The following COL19A1 variants were observed in gnomAD, a reference collection of about 807,000 sequenced individuals.
COL19A1 encodes the protein collagen alpha-1(XIX) chain.
In COL19A1, 159 loss-of-function variants were observed where a neutral mutation model predicts 190.2. That is an observed-to-expected ratio of 0.84 (90% confidence interval 0.73 to 0.95). COL19A1 has a LOEUF of 0.95. Among genes scored for constraint, COL19A1 ranks in the 40% least tolerant of loss-of-function variants. COL19A1 has a pLI of 0.00. For synonymous variants in COL19A1, 509 were observed against 458.9 expected (o/e 1.11, Z -1.39); for missense variants, 1,418 against 1,431.9 (o/e 0.99, Z 0.16).
chr6:70,143,449 C>A (rs1786393441), intron 23 of COL19A1, among the ~76,000 whole-genome samples: 1 of 152,064 alleles, frequency 6.6e-6, no homozygotes, highest in Admixed American at 6.6e-5. Context: ...CACACTTGAG[C>A]AAAATAAGAA....
intron 2 of COL19A1, among the ~76,000 whole-genome samples, chr6:69,885,403 T>C (rs1768851439): frequency 6.6e-6 from 1 of 152,238 alleles, no homozygotes. Context: ...TAGCATATTA[T>C]GGGATGGATA....
chr6:70,128,979 C>G (rs141802799), intron 17 of COL19A1, among the ~76,000 whole-genome samples: 1 of 152,208 alleles, frequency 6.6e-6, no homozygotes, highest in East Asian at 1.9e-4. Context: ...GAAAGACGTT[C>G]CCAGATTGTA....
chr6:69,891,071 G>A (rs12211543), intron 2 of COL19A1: 14 of 315,516 alleles, frequency 4.4e-5, no homozygotes, highest in Non-Finnish European at 8.6e-5. Context: ...TGGCCTGAAG[G>A]CAAGAACAGA....
At chr6:69,874,700 G>A (rs1034898058) in intron 1 of COL19A1, among the ~76,000 whole-genome samples, 111 of 151,980 alleles carry the variant, frequency 7.3e-4, no homozygotes, top group African/African-American at 2.4e-3. Context: ...GCAGTGAGCC[G>A]AGATCGCACC....
intron 11 of COL19A1, among the ~76,000 whole-genome samples, chr6:69,973,674 C>T (rs1283021406): frequency 3.9e-5 from 6 of 152,082 alleles, no homozygotes; most frequent in Admixed American, 6.5e-5. Flanking sequence ...CTGCTTAATA[C>T]AATCATCAAA....
At chr6:70,017,439 A>G (rs10945191) in intron 11 of COL19A1, among the ~76,000 whole-genome samples, 2,541 of 152,202 alleles carry the variant, frequency 0.017, 77 homozygotes, top group African/African-American at 0.058. Flanking sequence ...TACTAAAACT[A>G]TTGCACCCTA....
At chr6:69,913,902 G>A (rs916577782) in intron 4 of COL19A1, among the ~76,000 whole-genome samples, 2 of 151,864 alleles carry the variant, frequency 1.3e-5, no homozygotes, top group Admixed American at 6.6e-5. Flanking sequence ...CGGACCCAAG[G>A]ATACTTCAGA....
intron 31 of COL19A1, 50 bp downstream of exon 31, chr6:70,151,488 A>G: frequency 9.5e-6 from 15 of 1,572,720 alleles, no homozygotes; most frequent in Non-Finnish European, 1.3e-5. Context: ...AGGAAAAATT[A>G]GAAAGAAAAA....
intron 19 of COL19A1, among the ~76,000 whole-genome samples, chr6:70,138,349 GA>G (rs1459763808): frequency 6.6e-6 from 1 of 152,012 alleles, no homozygotes; most frequent in East Asian, 1.9e-4. Flanking sequence ...GGGAAAAAGA[GA>G]AAAACCCTAC....
At chr6:70,109,676 T>C (rs1344121010) in intron 16 of COL19A1, among the ~76,000 whole-genome samples, 1 of 152,052 alleles carries the variant, frequency 6.6e-6, no homozygotes, top group Non-Finnish European at 1.5e-5. Flanking sequence ...TTTAGCCCAT[T>C]ATCTTTAGTC....
rs557745010 is a variant in COL19A1, at chr6:70,026,211, G to T, written c.1080+2531G>T. On this transcript the variant is annotated intron_variant, in intron 12 of 50. Coordinates refer to ENST00000620364, the MANE Select transcript of COL19A1 (RefSeq NM_001858.6). ...AAGATTTGAAAATTTTTCTTACATT[G>T]TCTGAAAGTAAGGTTTTTGGGCTTT... is the stretch of plus-strand genomic sequence containing the variant. 1.2e-3 allele frequency among the ~76,000 whole-genome samples: 183 copies of T among 152,302 alleles called. 6 individuals are homozygous for T. In the South Asian group the frequency reaches 0.037, roughly 31 times the overall value.
At chr6:69,931,836 A>T (rs1003290131) in intron 6 of COL19A1, among the ~76,000 whole-genome samples, 1 of 152,080 alleles carries the variant, frequency 6.6e-6, no homozygotes, top group Non-Finnish European at 1.5e-5. Flanking sequence ...GGCGAAAAGT[A>T]AAAGTTATAG....
At chr6:70,056,908 T>C (rs1458812034) in intron 14 of COL19A1, among the ~76,000 whole-genome samples, 1 of 151,874 alleles carries the variant, frequency 6.6e-6, no homozygotes, top group African/African-American at 2.4e-5. Context: ...AATACCTAGG[T>C]CTTTCATGTA....
chr6:69,928,029 A>G lies in COL19A1; in HGVS notation c.387A>G (p.Pro129=). The stretch of plus-strand genomic sequence containing the variant: ...AGGTTTTAAACCAGCAGAATATTCC[A>G]CAGGTAAAGTACCATTAGAGTTGTG... ...LWQVLNQQNI[P]QISIVVDGGK... The change falls in exon 5 of 51, where the codon CCA becomes CCG. Residue 129 remains proline, a synonymous_variant. Transcript: ENST00000620364. 1 of 1,612,966 alleles carries G rather than the reference A, an allele frequency of 6.2e-7. No homozygotes were observed. The highest frequency in any genetic ancestry group is 8.5e-7 in the Non-Finnish European group (1 of 1,179,326).
At position 70,150,001 on chromosome 6, in the gene COL19A1, G is replaced by C. The variant is rs773986792; in HGVS notation, c.1993G>C (p.Gly665Arg). The C allele has an allele frequency of 6.2e-7, 1 of 1,613,818 alleles. No individual in the cohort carries two copies. The highest frequency in any genetic ancestry group is 1.7e-5 in the Admixed American group (1 of 59,988). ...ATACCTCTGTTTTCAGGGAGTTCCA[G>C]GGAGAGATGGAAAGCCAGGCCTGCC... ...PGTPGNDGVP[G>R]RDGKPGLPGP... is the part of the protein sequence containing the mutation. The change falls in exon 30 of 51, where the codon GGG becomes CGG. Residue 665 changes from glycine (G) to arginine (R), a missense_variant. Transcript: ENST00000620364.
Position 70,110,158 on chromosome 6 carries a change from A to C in COL19A1, c.1278+7936A>C, listed in dbSNP as rs140674270. 4.2e-4 allele frequency among the ~76,000 whole-genome samples: 64 copies of C among 152,310 alleles called. No individual in the cohort carries two copies. In the East Asian group the frequency reaches 0.011, roughly 26 times the overall value. ...ATGACAAAAACTGTCTCAGTGAAAC[A>C]TTTGATCACTTGTTAAAATACCCTC... On this transcript the variant is annotated intron_variant, in intron 16 of 50. Transcript: ENST00000620364.
At chr6:69,937,455 G>A (rs1773181618) in intron 8 of COL19A1, among the ~76,000 whole-genome samples, 1 of 152,042 alleles carries the variant, frequency 6.6e-6, no homozygotes, top group African/African-American at 2.4e-5. Context: ...CAAGAAGGCT[G>A]TGCCATGGAC....
At chr6:69,867,208 T>TCCA (rs930448733) in intron 1 of COL19A1, among the ~76,000 whole-genome samples, 2 of 151,360 alleles carry the variant, frequency 1.3e-5, no homozygotes, top group Non-Finnish European at 2.9e-5. Flanking sequence ...GGTTACCTAC[T>TCCA]CCACATGTGG....
chr6:69,945,662 G>C (rs1427954443), intron 9 of COL19A1, among the ~76,000 whole-genome samples: 1 of 151,632 alleles, frequency 6.6e-6, no homozygotes, highest in Non-Finnish European at 1.5e-5. Context: ...TGAAGTAATT[G>C]ACAAGTCCTT....
Sources: allele counts gnomAD v4.1 joint callset (sites outside exome capture counted in the v4.1 genomes callset), GRCh38; gene constraint gnomAD v4.1.1; transcripts MANE v1.5; gene names NCBI Gene and HGNC (gene_info 2026-07-23, HGNC 2026-07-21).